The following EYS variants were observed in gnomAD, a reference collection of about 807,000 sequenced individuals.
EYS encodes the protein EGF-like photoreceptor maintenance factor.
EYS carries 250 observed loss-of-function variants against 282.1 expected under a neutral mutation model. The observed-to-expected ratio is 0.89, with a 90% CI of 0.80 to 0.98. The LOEUF (loss-of-function observed/expected upper bound fraction) is 0.98, where lower values mean the gene tolerates loss of function less well. EYS is among the 50% of genes least tolerant of loss of function. EYS has a pLI of 0.00. For synonymous variants in EYS, 1,355 were observed against 1,282.9 expected, an observed-to-expected ratio of 1.06 and a Z score of -1.20; for missense variants, 4,016 against 3,709.0, an observed-to-expected ratio of 1.08 and a Z score of -2.15.
chr6:65,093,902 A>C (rs1226468649), intron 12 of EYS, among the ~76,000 whole-genome samples: 1 of 151,750 alleles, frequency 6.6e-6, no homozygotes, highest in Non-Finnish European at 1.5e-5. Flanking sequence ...CTTAGCTTTA[A>C]GGACTAACAC....
rs559628511 is a variant in EYS at position 64,278,751 on chromosome 6, T to C, written c.6191+28219A>G. On this transcript the variant is annotated intron_variant, in intron 30 of 42. Transcript: ENST00000503581. The stretch of plus-strand genomic sequence containing the variant: ...CTCTCTCTCTCTCTTTCTCTCTTTC[T>C]CTCTGTCTCTCCTCCCTCTCCTCTC... Among the ~76,000 whole-genome samples the C allele has an allele frequency of 5.3e-5, 8 of 152,186 alleles. No homozygotes were observed. The East Asian group carries it at 1.5e-3, about 29-fold the overall frequency.
At chr6:64,557,011 T>C (rs572435294) in intron 26 of EYS, among the ~76,000 whole-genome samples, 1 of 151,998 alleles carries the variant, frequency 6.6e-6, no homozygotes, top group Non-Finnish European at 1.5e-5. Context: ...AACTACAATA[T>C]GCAATTATTT....
intron 22 of EYS, among the ~76,000 whole-genome samples, chr6:64,742,617 T>C (rs553835556): frequency 9.2e-5 from 14 of 152,112 alleles, no homozygotes; most frequent in Non-Finnish European, 1.6e-4. Context: ...GTAGAAAAAT[T>C]TGGGAAGTGA....
At chr6:65,178,125 C>A (rs1412586627) in intron 12 of EYS, among the ~76,000 whole-genome samples, 1 of 151,866 alleles carries the variant, frequency 6.6e-6, no homozygotes, top group Non-Finnish European at 1.5e-5. Flanking sequence ...CTGCCACAGG[C>A]CCTGAGCTCA....
chr6:65,309,816 G>T (rs771751482), intron 11 of EYS, among the ~76,000 whole-genome samples: 5 of 152,170 alleles, frequency 3.3e-5, no homozygotes, highest in Non-Finnish European at 7.3e-5. Flanking sequence ...ACGTCCAATT[G>T]ATCCTACTTT....
intron 26 of EYS, among the ~76,000 whole-genome samples, chr6:64,541,216 G>T (rs951547248): frequency 3.9e-5 from 6 of 152,160 alleles, no homozygotes; most frequent in Non-Finnish European, 8.8e-5. Context: ...CTCTGGAGGG[G>T]TCCGGCCAGG....
intron 12 of EYS, among the ~76,000 whole-genome samples, chr6:65,247,561 A>T (rs9453233): frequency 0.04 from 6,061 of 152,174 alleles, 367 homozygotes; most frequent in African/African-American, 0.13. Flanking sequence ...CTAGTATATG[A>T]CAAGAACTCA....
intron 22 of EYS, among the ~76,000 whole-genome samples, chr6:64,709,648 A>G (rs1226156973): frequency 6.6e-6 from 1 of 152,212 alleles, no homozygotes; most frequent in Non-Finnish European, 1.5e-5. Flanking sequence ...TGTAAATTGT[A>G]TAGTCCATTA....
chr6:64,149,998 A>G (rs1305403991), intron 31 of EYS, among the ~76,000 whole-genome samples: 1 of 152,226 alleles, frequency 6.6e-6, no homozygotes, highest in Non-Finnish European at 1.5e-5. Flanking sequence ...GAACTATGTT[A>G]TAGTCACCAT....
intron 34 of EYS, among the ~76,000 whole-genome samples, chr6:63,988,233 C>T (rs1417105916): frequency 6.6e-6 from 1 of 151,638 alleles, no homozygotes; most frequent in African/African-American, 2.4e-5. Context: ...TGACCTTCCT[C>T]TCACTGAGGA....
At chr6:65,696,518 CATT>C (rs1176397411) in intron 1 of EYS, among the ~76,000 whole-genome samples, 2 of 151,824 alleles carry the variant, frequency 1.3e-5, no homozygotes, top group Non-Finnish European at 2.9e-5. Context: ...TAGTTGCTAT[CATT>C]ATTACAAACC....
intron 11 of EYS, among the ~76,000 whole-genome samples, chr6:65,318,822 AGT>A (rs1415309690): frequency 2.0e-5 from 3 of 149,692 alleles, no homozygotes; most frequent in African/African-American, 7.3e-5. Flanking sequence ...TTGAATCTTT[AGT>A]AGAGACGGGG....
At position 64,107,285 on chromosome 6, in the gene EYS, T is replaced by TTATATATATA. The variant is rs55756711; in HGVS notation, c.6425-25293_6425-25284dup. On this transcript the variant is annotated intron_variant, in intron 31 of 42. Coordinates refer to ENST00000503581, the MANE Select transcript of EYS (RefSeq NM_001142800.2). ...TGTGTGTGTGTGTATATATATATAT[T>TTATATATATA]TATATATATATATATATATATATAT... is the stretch of plus-strand genomic sequence containing the variant. Among the ~76,000 whole-genome samples the TTATATATATA allele has an allele frequency of 1.4e-3, 146 of 101,500 alleles. 2 individuals carry two copies. The highest frequency in any genetic ancestry group is 5.9e-3 in the Middle Eastern group (1 of 170). 66.6% of individuals were successfully genotyped at this position (101,500 alleles called of 152,430 possible).
chr6:64,617,545 A>G lies in EYS; in HGVS notation c.3569-12T>C, dbSNP rs575959706. 2.7e-5 allele frequency: 40 copies of G among 1,466,942 alleles called. 1 individual carries two copies. In the East Asian group the frequency reaches 6.2e-4, roughly 23 times the overall value. 90.9% of individuals were successfully genotyped at this position (1,466,942 alleles called of 1,614,324 possible). ...GTGTCCAGACCATCCTGTTCAACAAAATTACAAAGCAGATATGCAATTTTT... is the reference window on the plus strand; with the variant it reads ...GTGTCCAGACCATCCTGTTCAACAAGATTACAAAGCAGATATGCAATTTTT... On this transcript the variant is annotated splice_polypyrimidine_tract_variant and intron_variant, in intron 23 of 42. Transcript: ENST00000503581.
chr6:63,872,794 T>G (rs1772847827), intron 35 of EYS, among the ~76,000 whole-genome samples: 1 of 151,938 alleles, frequency 6.6e-6, no homozygotes, highest in African/African-American at 2.4e-5. Context: ...AAATATTTAA[T>G]GTACTCTTTG....
At chr6:64,439,557 T>C (rs1437471134) in intron 26 of EYS, among the ~76,000 whole-genome samples, 1 of 151,830 alleles carries the variant, frequency 6.6e-6, no homozygotes. Flanking sequence ...TGATAAAATC[T>C]CATTGTAAGG....
intron 13 of EYS, among the ~76,000 whole-genome samples, chr6:65,006,144 C>T (rs749204588): frequency 2.6e-5 from 4 of 151,856 alleles, no homozygotes; most frequent in Non-Finnish European, 4.4e-5. Flanking sequence ...TTACGTGGGA[C>T]CCGTTCCCCA....
At chr6:64,956,703 C>A (rs1769714867) in intron 14 of EYS, among the ~76,000 whole-genome samples, 1 of 152,044 alleles carries the variant, frequency 6.6e-6, no homozygotes, top group Non-Finnish European at 1.5e-5. Flanking sequence ...GGACTAATAA[C>A]CAGAATATAT....
At chr6:65,483,094 G>C (rs368501910) in intron 5 of EYS, among the ~76,000 whole-genome samples, 5 of 151,762 alleles carry the variant, frequency 3.3e-5, no homozygotes, top group African/African-American at 1.2e-4. Flanking sequence ...TTTCAAATTT[G>C]GGATTACAAT....
Sources: gnomAD v4.1 joint callset for allele counts (sites outside exome capture counted in the v4.1 genomes callset) on GRCh38, gnomAD v4.1.1 for gene constraint, MANE v1.5 for transcripts, NCBI Gene and HGNC (gene_info 2026-07-23, HGNC 2026-07-21) for gene names.